The following DDX1 variants were observed in gnomAD, a reference collection of about 807,000 sequenced individuals.
DDX1 encodes the protein DEAD-box helicase 1.
Under a neutral mutation model 108.7 loss-of-function variants are expected in DDX1, and 28 were observed. The observed-to-expected ratio is 0.26, with a 90% CI of 0.19 to 0.35. The LOEUF (loss-of-function observed/expected upper bound fraction) is 0.35, where lower values mean the gene tolerates loss of function less well. Among genes scored for constraint, DDX1 ranks in the 10% least tolerant of loss-of-function variants. DDX1 has a pLI of 1.00. For missense variants in DDX1, 710 were observed against 884.5 expected (o/e 0.80, Z 2.50); for synonymous variants, 295 against 288.9 (o/e 1.02, Z -0.21).
At chr2:15,606,852 CTG>C (rs1015268555) in intron 12 of DDX1, among the ~76,000 whole-genome samples, 17 of 152,144 alleles carry the variant, frequency 1.1e-4, no homozygotes, top group African/African-American at 3.6e-4. Context: ...GGGGATCTCA[CTG>C]TGTCACCCAG....
intron 19 of DDX1, among the ~76,000 whole-genome samples, chr2:15,626,814 G>A (rs1666106106): frequency 6.6e-6 from 1 of 152,102 alleles, no homozygotes; most frequent in South Asian, 2.1e-4. Context: ...TCCTCCTACA[G>A]ATTGGGAAGG....
chr2:15,595,415 A>C lies in DDX1; in HGVS notation c.69-75A>C, dbSNP rs371534410. 2.9e-5 allele frequency: 37 copies of C among 1,275,974 alleles called. No individual in the cohort carries two copies. In the South Asian group the frequency reaches 4.1e-4, roughly 14 times the overall value. 79.0% of individuals were successfully genotyped at this position (1,275,974 alleles called of 1,614,324 possible). A position where few individuals can be genotyped will look rare whatever the true frequency, so the allele number is the denominator to read the frequency against. On this transcript the variant is annotated intron_variant, in intron 2 of 25. Transcript: ENST00000233084. ...TACCACGTAAAATTTTCTTTTAGGCAAATTAACGTGACTTAATTTGCTTAG... is the reference window on the plus strand; with the variant it reads ...TACCACGTAAAATTTTCTTTTAGGCCAATTAACGTGACTTAATTTGCTTAG...
Position 15,629,715 on chromosome 2 carries a change from G to T in DDX1, c.1971+18G>T. 2 of 1,507,928 alleles carry T rather than the reference G, an allele frequency of 1.3e-6. No individual in the cohort carries two copies. The highest frequency in any genetic ancestry group is 1.8e-6 in the Non-Finnish European group (2 of 1,121,788). 93.4% of individuals were successfully genotyped at this position (1,507,928 alleles called of 1,614,324 possible). A position where few individuals can be genotyped will look rare whatever the true frequency, so the allele number is the denominator to read the frequency against. On this transcript the variant is annotated intron_variant, in intron 24 of 25. Transcript: ENST00000233084. ...AGATGCAGGTAAGACTTCGAGTTAGGCTCACAAATAATGTATTAAAATGGT... is the reference window on the plus strand; with the variant it reads ...AGATGCAGGTAAGACTTCGAGTTAGTCTCACAAATAATGTATTAAAATGGT...
intron 19 of DDX1, among the ~76,000 whole-genome samples, chr2:15,624,893 G>C (rs1236827787): frequency 1.2e-4 from 18 of 152,050 alleles, no homozygotes; most frequent in Non-Finnish European, 2.4e-4. Context: ...TTTAGCAAAG[G>C]GTCTTGCAGT....
intron 10 of DDX1, 81 bp from the exon 11 acceptor site, chr2:15,605,869 A>T (rs1482092282): frequency 1.1e-6 from 1 of 951,366 alleles, no homozygotes; most frequent in African/African-American, 1.7e-5. Flanking sequence ...GAATGCAGGT[A>T]AGCTGGTAGA....
At chr2:15,620,477 T>A in intron 17 of DDX1, 81 bp downstream of exon 17, 1 of 1,035,752 alleles carries the variant, frequency 9.7e-7, no homozygotes, top group Non-Finnish European at 1.4e-6. Context: ...TAGTGATGCT[T>A]AAGGCAATCA....
At chr2:15,628,379 G>A in intron 20 of DDX1, 66 bp from the exon 21 acceptor site, 2 of 1,195,616 alleles carry the variant, frequency 1.7e-6, no homozygotes, top group South Asian at 1.2e-5. Context: ...TGGAAGGATA[G>A]CATTTGTTTT....
At chr2:15,610,867 T>A (rs1241114465) in intron 13 of DDX1, among the ~76,000 whole-genome samples, 2 of 151,980 alleles carry the variant, frequency 1.3e-5, no homozygotes, top group African/African-American at 2.4e-5. Context: ...GACTTGTTTT[T>A]TTTTTTATTT....
chr2:15,613,554 G>A (rs1183428184), intron 14 of DDX1, among the ~76,000 whole-genome samples: 5 of 152,124 alleles, frequency 3.3e-5, no homozygotes, highest in African/African-American at 9.7e-5. Flanking sequence ...GGCCTTCATG[G>A]GTAAAGAGTC....
At chr2:15,616,394 G>A (rs929603982) in intron 14 of DDX1, among the ~76,000 whole-genome samples, 3 of 152,084 alleles carry the variant, frequency 2.0e-5, no homozygotes, top group African/African-American at 7.2e-5. Context: ...ACTTACCTAA[G>A]ATCATACAAC....
chr2:15,629,482 C>T (rs1443301612), intron 23 of DDX1, 120 bp from the exon 24 acceptor site: 2 of 667,238 alleles, frequency 3.0e-6, no homozygotes, highest in African/African-American at 3.9e-5. Context: ...ATATATCATA[C>T]CTATAATCTA....
intron 13 of DDX1, among the ~76,000 whole-genome samples, chr2:15,612,019 C>T (rs530586160): frequency 1.2e-4 from 18 of 144,116 alleles, no homozygotes; most frequent in Middle Eastern, 3.6e-3. Context: ...AGGGGCTCCT[C>T]ACTTCCCAGT....
rs903169352 is a variant in DDX1 at position 15,628,821 on chromosome 2, G to C, written c.1857G>C (p.Val619=). ...AERMGLAISL[V]ATEKEKVWYH... ...GGATGGGTCTGGCAATTTCCCTGGT[G>C]GCAACAGAAAAAGAAAAGGTAATCT... The change falls in exon 23 of 26, where the codon GTG becomes GTC. Residue 619 remains valine, a synonymous_variant. Transcript: ENST00000233084. The C allele has an allele frequency of 1.9e-6, 3 of 1,613,560 alleles. No homozygotes were observed. Among genetic ancestry groups the C allele is most frequent in the African/African-American group, 2.7e-5 (2 of 74,960 alleles).
At chr2:15,612,607 C>T (rs1665794415) in intron 13 of DDX1, among the ~76,000 whole-genome samples, 1 of 151,786 alleles carries the variant, frequency 6.6e-6, no homozygotes, top group African/African-American at 2.4e-5. Context: ...GACGGGGTGG[C>T]GGCCGGGCAG....
At chr2:15,623,371 A>C in intron 18 of DDX1, 65 bp from the exon 19 acceptor site, 1 of 1,499,668 alleles carries the variant, frequency 6.7e-7, no homozygotes, top group Non-Finnish European at 9.2e-7. Flanking sequence ...GACTATAATT[A>C]TGTGTATTCA....
At chr2:15,599,936 T>G (rs930301753) in intron 6 of DDX1, among the ~76,000 whole-genome samples, 4 of 152,230 alleles carry the variant, frequency 2.6e-5, no homozygotes, top group African/African-American at 9.6e-5. Flanking sequence ...AAAATAATTA[T>G]ATTTCATTTC....
chr2:15,626,210 A>G (rs946872287), intron 19 of DDX1, among the ~76,000 whole-genome samples: 4 of 152,146 alleles, frequency 2.6e-5, no homozygotes, highest in African/African-American at 9.6e-5. Context: ...TACCCTAACC[A>G]GAGAGTTATA....
intron 18 of DDX1, 127 bp from the exon 19 acceptor site, chr2:15,623,309 A>C: frequency 1.3e-6 from 1 of 772,932 alleles, no homozygotes; most frequent in South Asian, 1.9e-5. Context: ...TATATATAAT[A>C]CTTTTATTAA....
chr2:15,628,099 T>G (rs899757890), intron 20 of DDX1, among the ~76,000 whole-genome samples: 1 of 152,228 alleles, frequency 6.6e-6, no homozygotes, highest in Non-Finnish European at 1.5e-5. Context: ...AGAGTAAAGA[T>G]AATGCTTATG....
Sources: gnomAD v4.1 joint callset for allele counts (sites outside exome capture counted in the v4.1 genomes callset) on GRCh38, gnomAD v4.1.1 for gene constraint, MANE v1.5 for transcripts, NCBI Gene and HGNC (gene_info 2026-07-23, HGNC 2026-07-21) for gene names.